The following OR51B5 variants were observed in gnomAD, a reference collection of about 807,000 sequenced individuals.
The protein encoded by OR51B5 is olfactory receptor 51B5.
For synonymous variants in OR51B5, 186 were observed against 144.8 expected (o/e 1.28, Z -2.04); for missense variants, 456 against 374.6 (o/e 1.22, Z -1.79).
chr11:5,385,906 TATAC>T (rs1325023806), intron 1 of OR51B5, among the ~76,000 whole-genome samples: 2 of 149,108 alleles, frequency 1.3e-5, no homozygotes, highest in Non-Finnish European at 3.0e-5. Context: ...TATTTAAACT[TATAC>T]ATATGTGTAC....
intron 1 of OR51B5, chr11:5,441,239 G>A (rs145696046): frequency 6.2e-7 from 1 of 1,613,958 alleles, no homozygotes; most frequent in Non-Finnish European, 8.5e-7. Flanking sequence ...ACGCAACATG[G>A]TTGTAGTTGA....
At chr11:5,486,225 C>T (rs1167946399) in intron 1 of OR51B5, among the ~76,000 whole-genome samples, 1 of 150,000 alleles carries the variant, frequency 6.7e-6, no homozygotes, top group Admixed American at 6.7e-5. Flanking sequence ...TTACCCCACT[C>T]CCACTACCTC....
intron 1 of OR51B5, chr11:5,453,560 C>T: frequency 6.2e-7 from 1 of 1,610,418 alleles, no homozygotes; most frequent in South Asian, 1.1e-5. Flanking sequence ...AGAGCTCTCA[C>T]TCCTGGCTGT....
At chr11:5,404,182 G>C (rs1589977699) in intron 1 of OR51B5, among the ~76,000 whole-genome samples, 1 of 140,578 alleles carries the variant, frequency 7.1e-6, no homozygotes, top group Non-Finnish European at 1.6e-5. Context: ...GGAGGGCGGG[G>C]GGCGGAACTT....
At chr11:5,468,487 C>G in intron 1 of OR51B5, 1 of 344,448 alleles carries the variant, frequency 2.9e-6, no homozygotes, top group Non-Finnish European at 5.8e-6. Context: ...TTTCCTTGAT[C>G]AGAACTTAGC....
intron 1 of OR51B5, among the ~76,000 whole-genome samples, chr11:5,387,979 A>C (rs901577763): frequency 5.9e-5 from 9 of 152,146 alleles, no homozygotes; most frequent in African/African-American, 2.2e-4. Context: ...AAGTAATTGC[A>C]GTTCTTGCCA....
intron 1 of OR51B5, among the ~76,000 whole-genome samples, chr11:5,426,641 A>G (rs1369358253): frequency 2.1e-5 from 3 of 145,110 alleles, no homozygotes; most frequent in Admixed American, 1.4e-4. Flanking sequence ...TTAGGGCACA[A>G]AAAAGCCCCT....
chr11:5,362,263 G>T (rs1010077355), intron 1 of OR51B5, among the ~76,000 whole-genome samples: 1 of 152,252 alleles, frequency 6.6e-6, no homozygotes, highest in Non-Finnish European at 1.5e-5. Flanking sequence ...AAGGAAAAGT[G>T]TTTACTATTT....
chr11:5,349,165 C>T (rs1261525545), intron 1 of OR51B5, among the ~76,000 whole-genome samples: 6 of 152,072 alleles, frequency 3.9e-5, no homozygotes, highest in Non-Finnish European at 4.4e-5. Context: ...TTTTTATCCC[C>T]TCTGAAACTC....
intron 1 of OR51B5, chr11:5,362,983 A>C (rs1250111585): frequency 6.7e-6 from 1 of 149,086 alleles, no homozygotes; most frequent in Non-Finnish European, 1.5e-5. Context: ...AAAAAAAAGA[A>C]ATAATAGAAG....
intron 1 of OR51B5, among the ~76,000 whole-genome samples, chr11:5,499,122 G>T (rs1185804253): frequency 3.3e-5 from 5 of 152,164 alleles, no homozygotes; most frequent in Admixed American, 2.6e-4. Flanking sequence ...GGATGACAGG[G>T]CACAAAGTTC....
intron 1 of OR51B5, among the ~76,000 whole-genome samples, chr11:5,417,856 A>AAG (rs1443872007): frequency 6.9e-4 from 21 of 30,618 alleles, no homozygotes; most frequent in East Asian, 2.5e-3. Context: ...CATTGTGGCG[A>AAG]TTCCTCAGGG....
At chr11:5,364,592 T>A (rs1003965815) in intron 1 of OR51B5, among the ~76,000 whole-genome samples, 2 of 82,074 alleles carry the variant, frequency 2.4e-5, no homozygotes, top group Admixed American at 1.1e-4. Context: ...AAAAATAAAC[T>A]AAGCGTGAGA....
chr11:5,389,066 T>C (rs552425675), intron 1 of OR51B5, among the ~76,000 whole-genome samples: 1 of 152,282 alleles, frequency 6.6e-6, no homozygotes, highest in Admixed American at 6.5e-5. Context: ...AATGAAATCA[T>C]GGTAGTGGAT....
At chr11:5,401,874 TTCC>T (rs1168131642) in intron 1 of OR51B5, among the ~76,000 whole-genome samples, 35 of 78,082 alleles carry the variant, frequency 4.5e-4, no homozygotes, top group Middle Eastern at 7.7e-3. Context: ...TTTTCCTTCC[TTCC>T]TTTTCTCTCT....
intron 1 of OR51B5, among the ~76,000 whole-genome samples, chr11:5,400,633 A>G (rs777224306): frequency 6.6e-6 from 1 of 152,226 alleles, no homozygotes; most frequent in Non-Finnish European, 1.5e-5. Flanking sequence ...AGTACTTAAT[A>G]TAATTGCAAC....
At chr11:5,465,251 C>A (rs1851122198) in intron 1 of OR51B5, among the ~76,000 whole-genome samples, 1 of 147,666 alleles carries the variant, frequency 6.8e-6, no homozygotes. Flanking sequence ...TTCTCCACAT[C>A]CTCTCCAGCA....
chr11:5,347,685 A>AGAG (rs1849013695), upstream of OR51B5, among the ~76,000 whole-genome samples: 1 of 152,186 alleles, frequency 6.6e-6, no homozygotes, highest in African/African-American at 2.4e-5. Flanking sequence ...GGACAGAGAC[A>AGAG]GAGATCTTGA....
At chr11:5,410,465 T>C (rs1408769325) in intron 1 of OR51B5, among the ~76,000 whole-genome samples, 1 of 152,186 alleles carries the variant, frequency 6.6e-6, no homozygotes, top group African/African-American at 2.4e-5. Flanking sequence ...AATACGGTCA[T>C]GTTTCACATA....
Sources: gnomAD v4.1 joint callset for allele counts (sites outside exome capture counted in the v4.1 genomes callset) on GRCh38, gnomAD v4.1.1 for gene constraint, MANE v1.5 for transcripts, NCBI Gene and HGNC (gene_info 2026-07-23, HGNC 2026-07-21) for gene names.